Variants in MAPKBP1 observed in about 807,000 individuals in gnomAD.
MAPKBP1 encodes mitogen-activated protein kinase binding protein 1.
A neutral mutation model predicts 170.5 loss-of-function variants in MAPKBP1; 71 were observed. That is an observed-to-expected ratio of 0.42 (90% CI 0.34 to 0.51). The LOEUF is 0.51. Ranked by LOEUF, MAPKBP1 falls within the 20% of genes least tolerant of loss-of-function variation. The probability of loss-of-function intolerance (pLI) is 0.06; values close to 1 mark genes in which losing one functional copy is unlikely to be tolerated. For missense variants in MAPKBP1, 1,598 were observed against 1,933.0 expected, an observed-to-expected ratio of 0.83 and a Z score of 3.25; for synonymous variants, 719 against 757.9, an observed-to-expected ratio of 0.95 and a Z score of 0.84.
At chr15:41,798,025 C>T (rs190179009) in intron 2 of MAPKBP1, among the ~76,000 whole-genome samples, 95 of 151,718 alleles carry the variant, frequency 6.3e-4, no homozygotes, top group African/African-American at 2.1e-3. Flanking sequence ...CCGAGGCGGG[C>T]GGATCACGAG....
intron 2 of MAPKBP1, among the ~76,000 whole-genome samples, chr15:41,792,187 AAC>A (rs1286598447): frequency 2.6e-5 from 4 of 151,250 alleles, no homozygotes; most frequent in African/African-American, 9.7e-5. Flanking sequence ...AGAGCACTTA[AAC>A]ACGTGGCTTT....
Position 41,813,013 on chromosome 15 carries a change from A to G in MAPKBP1, c.731A>G (p.Lys244Arg), listed in dbSNP as rs2064829287. The change falls in exon 8 of 31, where the codon AAG (lysine) becomes AGG (arginine). Residue 244 changes from lysine (K) to arginine (R), a missense_variant. Around this residue, in one of 6 missense-constraint regions of MAPKBP1, gnomAD observed 430 missense variants for 617.2 expected, o/e 0.70. Coordinates refer to ENST00000457542, the MANE Select transcript of MAPKBP1 (RefSeq NM_014994.3). ...FTDVACGRGK[K>R]ADSTFCITSS... ...GATGTGGCCTGTGGCAGAGGAAAAA[A>G]GGCGGACAGTACCTTCTGCATCACG... The G allele has an allele frequency of 1.2e-6, 2 of 1,613,860 alleles. No homozygotes were observed. Among genetic ancestry groups the G allele is most frequent in the Non-Finnish European group, 1.7e-6 (2 of 1,179,936 alleles).
rs1358153691 is a variant in MAPKBP1 at position 41,806,598 on chromosome 15, A to C, written c.207-4285A>C. On this transcript the variant is annotated intron_variant, in intron 3 of 30. Coordinates refer to ENST00000457542, the MANE Select transcript of MAPKBP1 (RefSeq NM_014994.3). ...AGTGGGCCCAGCACCTGGCACTGGT[A>C]CTCCACAGCGTGACTCCCCCAGGCT... Among the ~76,000 whole-genome samples the C allele has an allele frequency of 2.0e-5, 3 of 152,204 alleles. No individual in the cohort carries two copies. The South Asian group carries it at 6.2e-4, about 32-fold the overall frequency.
At chr15:41,805,932 C>T (rs2064682680) in intron 3 of MAPKBP1, among the ~76,000 whole-genome samples, 1 of 152,106 alleles carries the variant, frequency 6.6e-6, no homozygotes, top group South Asian at 2.1e-4. Context: ...TCAAGGAGTC[C>T]TAAATGCCTG....
chr15:41,787,144 A>G (rs1019991968), intron 2 of MAPKBP1, among the ~76,000 whole-genome samples: 4 of 152,104 alleles, frequency 2.6e-5, no homozygotes, highest in South Asian at 2.1e-4. Context: ...GCCAGTTTCT[A>G]ATATCTTCAA....
intron 3 of MAPKBP1, among the ~76,000 whole-genome samples, chr15:41,801,001 C>T (rs1188412058): frequency 6.6e-6 from 1 of 152,220 alleles, no homozygotes; most frequent in African/African-American, 2.4e-5. Flanking sequence ...TCCCAAAGTG[C>T]TGGGATTACA....
At chr15:41,801,719 G>A (rs966767079) in intron 3 of MAPKBP1, among the ~76,000 whole-genome samples, 2 of 152,038 alleles carry the variant, frequency 1.3e-5, no homozygotes, top group African/African-American at 2.4e-5. Flanking sequence ...GTGTGATGGC[G>A]GGTGCTGGTA....
intron 21 of MAPKBP1, 39 bp from the exon 22 acceptor site, chr15:41,819,556 G>GCA (rs1555454093): frequency 1.5e-6 from 2 of 1,347,676 alleles, no homozygotes; most frequent in Non-Finnish European, 2.0e-6. Context: ...GCGGGGGGGG[G>GCA]GCAGGAGACA....
At position 41,825,859 on chromosome 15, in the gene MAPKBP1, GC is replaced by G. The variant is rs544992265; in HGVS notation, c.*426del. On this transcript the variant is annotated 3_prime_UTR_variant, in exon 31 of 31. Transcript: ENST00000457542. ...GGTGAGAGGTGATGTGGTATTCAGT[GC>G]CCGTCAGCCAACTGTGGGCCTTCAC... 9.8e-4 allele frequency: 153 copies of G among 156,068 alleles called. 1 individual carries two copies. The South Asian group carries it at 0.03, about 31-fold the overall frequency. 9.7% of individuals were successfully genotyped at this position (156,068 alleles called of 1,614,324 possible).
At chr15:41,802,556 C>T (rs2064615351) in intron 3 of MAPKBP1, among the ~76,000 whole-genome samples, 1 of 152,196 alleles carries the variant, frequency 6.6e-6, no homozygotes, top group South Asian at 2.1e-4. Context: ...TCACTGCAAC[C>T]TCTGCCTCCT....
At chr15:41,784,101 G>A (rs1263915633) in intron 2 of MAPKBP1, among the ~76,000 whole-genome samples, 1 of 152,164 alleles carries the variant, frequency 6.6e-6, no homozygotes, top group East Asian at 1.9e-4. Context: ...TAACATGCAG[G>A]CCTACCTCCA....
intron 3 of MAPKBP1, among the ~76,000 whole-genome samples, chr15:41,806,247 T>TA (rs2064689604): frequency 6.6e-6 from 1 of 152,198 alleles, no homozygotes; most frequent in Non-Finnish European, 1.5e-5. Context: ...GTAGAAGCGG[T>TA]AGCAGTGACG....
chr15:41,786,461 T>A (rs1452660694), intron 2 of MAPKBP1, among the ~76,000 whole-genome samples: 2 of 152,078 alleles, frequency 1.3e-5, no homozygotes, highest in African/African-American at 4.8e-5. Flanking sequence ...GCACAAATGC[T>A]ATTGAAAAAT....
chr15:41,819,554 G>GGGC lies in MAPKBP1; in HGVS notation c.2426-39_2426-38insCGG, dbSNP rs1555454078. 58 of 1,495,448 alleles carry GGGC rather than the reference G, an allele frequency of 3.9e-5. 1 individual carries two copies. The highest frequency in any genetic ancestry group is 2.8e-4 in the African/African-American group (20 of 70,538). 92.6% of individuals were successfully genotyped at this position (1,495,448 alleles called of 1,614,324 possible). On this transcript the variant is annotated intron_variant, in intron 21 of 30. Transcript: ENST00000457542. ...GGCTCCAGGGTTGGGTGGCGGGGGG[G>GGGC]GGGCAGGAGACACTTCCTCTGACTG...
chr15:41,800,054 C>T lies in MAPKBP1; in HGVS notation c.206+140C>T, dbSNP rs902063749. The T allele has an allele frequency of 1.4e-5, 10 of 719,724 alleles. No homozygotes were observed. In the Admixed American group the frequency reaches 1.4e-4, roughly 10 times the overall value. The allele number at this position is 719,724 out of a possible 1,614,324, so 44.6% of individuals were successfully genotyped here. ...TTTTGTTGTCATTTTTGTAAAGAGA[C>T]GCAGGACCAGGTAAAGGTTCTTTGT... is the stretch of plus-strand genomic sequence containing the variant. On this transcript the variant is annotated intron_variant, in intron 3 of 30. Transcript: ENST00000457542.
Position 41,812,611 on chromosome 15 carries a change from A to G in MAPKBP1, c.594A>G (p.Arg198=). ...GCTACTTTGTCACTGCAGGCAACCG[A>G]CACATCAAATTCTGGTATCTCGATG... ...DCSYFVTAGN[R]HIKFWYLDDS... Residue 198 remains arginine, a synonymous_variant, in exon 7 of 31, where the codon CGA becomes CGG. Coordinates refer to ENST00000457542, the MANE Select transcript of MAPKBP1 (RefSeq NM_014994.3). 2 of 1,613,606 alleles carry G rather than the reference A, an allele frequency of 1.2e-6. No individual in the cohort carries two copies. The highest frequency in any genetic ancestry group is 1.7e-6 in the Non-Finnish European group (2 of 1,179,662).
Position 41,823,949 on chromosome 15 carries a change from G to A in MAPKBP1, c.4101G>A (p.Leu1367=). The A allele has an allele frequency of 6.2e-7, 1 of 1,614,050 alleles. No homozygotes were observed. Among genetic ancestry groups the A allele is most frequent in the Non-Finnish European group, 8.5e-7 (1 of 1,180,010 alleles). The change falls in exon 29 of 31, where the codon CTG becomes CTA. Residue 1367 remains leucine (L), a synonymous_variant. Transcript: ENST00000457542. ...PGPSSPCAQQ[L]PVSSLFQGPE... is the part of the protein sequence containing the mutation. The stretch of plus-strand genomic sequence containing the variant: ...CCAGCAGCCCCTGTGCCCAGCAACT[G>A]CCAGTCAGCAGCCTCTTCCAAGGCC...
intron 3 of MAPKBP1, among the ~76,000 whole-genome samples, chr15:41,808,496 A>G (rs1014877055): frequency 2.8e-5 from 4 of 141,964 alleles, no homozygotes; most frequent in African/African-American, 1.1e-4. Flanking sequence ...TTTTTTTGAG[A>G]CAGAGTCTAG....
chr15:41,798,704 G>A (rs1184797997), intron 2 of MAPKBP1, among the ~76,000 whole-genome samples: 4 of 152,288 alleles, frequency 2.6e-5, no homozygotes, highest in Non-Finnish European at 5.9e-5. Context: ...AGAATAGACC[G>A]CCCTGCCACA....
Sources: gnomAD v4.1 joint callset for allele counts (sites outside exome capture counted in the v4.1 genomes callset) on GRCh38, gnomAD v4.1.1 for gene constraint, gnomAD v4.1.1 regional missense constraint, MANE v1.5 for transcripts, NCBI Gene and HGNC (gene_info 2026-07-23, HGNC 2026-07-21) for gene names.